PKD1L3: variants seen among roughly 807,000 people sequenced by gnomAD.
The protein encoded by PKD1L3 is polycystin-1-like protein 3.
Under a neutral mutation model 184.1 loss-of-function variants are expected in PKD1L3, and 239 were observed. The ratio of observed to expected loss-of-function variants is 1.30; its 90% CI spans 1.17 to 1.45. The LOEUF (loss-of-function observed/expected upper bound fraction) is 1.45. Ranked by LOEUF, PKD1L3 falls within the 40% of genes most tolerant of loss-of-function variation. PKD1L3 has a pLI of 0.00. For synonymous variants in PKD1L3, 996 were observed against 778.8 expected (o/e 1.28, Z -4.64); for missense variants, 2,660 against 2,067.2 (o/e 1.29, Z -5.56).
At chr16:71,996,225 A>C (rs1026574992) in intron 2 of PKD1L3, among the ~76,000 whole-genome samples, 4 of 147,388 alleles carry the variant, frequency 2.7e-5, no homozygotes, top group Non-Finnish European at 6.0e-5. Context: ...TGCTATAAGA[A>C]TCCCTCACAT....
chr16:71,935,309 C>CTAA, intron 26 of PKD1L3, 49 bp downstream of exon 26: 2 of 1,509,582 alleles, frequency 1.3e-6, no homozygotes, highest in Non-Finnish European at 1.8e-6. Flanking sequence ...AAACAGGAAA[C>CTAA]TTTAGACATG....
rs1459229906 is a variant in PKD1L3 at position 71,998,345 on chromosome 16, C to T, written c.345G>A (p.Leu115=). The change falls in exon 2 of 30, where the codon CTG becomes CTA. Residue 115 remains leucine, a synonymous_variant. Transcript: ENST00000620267. ...GPPKPLSCTY[L]SRNFIRISSK... is the part of the protein sequence containing the mutation. ...ATGAGATCCGAATGAAGTTTCTGGA[C>T]AGGTAGGTGCAGCTGAGGGGCTTTG... 4 of 1,551,782 alleles carry T rather than the reference C, an allele frequency of 2.6e-6. No homozygotes were observed. The highest frequency in any genetic ancestry group is 3.5e-6 in the Non-Finnish European group (4 of 1,147,042).
chr16:71,944,834 G>T (rs1275017940), intron 22 of PKD1L3, among the ~76,000 whole-genome samples: 8 of 151,398 alleles, frequency 5.3e-5, no homozygotes, highest in Non-Finnish European at 1.2e-4. Flanking sequence ...GAGTAGCTGG[G>T]ATTACAGGCA....
At chr16:71,977,563 T>TCA in intron 10 of PKD1L3, 96 bp from the exon 11 acceptor site, 2 of 323,480 alleles carry the variant, frequency 6.2e-6, no homozygotes, top group Middle Eastern at 8.8e-4. Flanking sequence ...CCTAGCTCTT[T>TCA]TTTTTTTTTT....
At position 71,944,041 on chromosome 16, in the gene PKD1L3, C is replaced by T. The variant is rs184883499; in HGVS notation, c.3848G>A (p.Gly1283Glu). The change falls in exon 23 of 30, where the codon GGA becomes GAA. Residue 1283 changes from glycine (G) to glutamate (E), a missense_variant. By Grantham distance (98) the Gly-to-Glu change is moderately conservative. Coordinates refer to ENST00000620267, the MANE Select transcript of PKD1L3 (RefSeq NM_181536.2). ...TTTCCTCTCCATACCCAAAATATCT[C>T]CAGTCAGCTTGAAGAGTTTCTTCTT... is the stretch of plus-strand genomic sequence containing the variant. ...LKKKKLFKLT[G>E]DILVQILFLT... 350 of 1,551,540 alleles carry T rather than the reference C, an allele frequency of 2.3e-4. 4 individuals are homozygous for T. The Admixed American group carries it at 6.7e-3, about 30-fold the overall frequency.
At chr16:71,994,197 G>T (rs1234846551) in intron 2 of PKD1L3, among the ~76,000 whole-genome samples, 1 of 152,114 alleles carries the variant, frequency 6.6e-6, no homozygotes, top group Non-Finnish European at 1.5e-5. Context: ...TCGCTATCGT[G>T]AAGCTCGAGC....
Position 71,949,932 on chromosome 16 carries a change from A to C in PKD1L3, c.3469T>G (p.Cys1157Gly). 2 of 1,551,740 alleles carry C rather than the reference A, an allele frequency of 1.3e-6. No individual in the cohort carries two copies. The highest frequency in any genetic ancestry group is 1.7e-6 in the Non-Finnish European group (2 of 1,146,996). ...CTAGTGAAACCTAAGAGGAGCCAGC[A>C]GACTGAAGTCAACCATTTGGACAGG... ...NGLSKWLTSV[C>G]WLLLGFTSLA... is the part of the protein sequence containing the mutation. Residue 1157 changes from cysteine (C) to glycine (G), a missense_variant, in exon 21 of 30, where the codon TGC becomes GGC. Cys to Gly is a radical substitution (Grantham distance 159). Coordinates refer to ENST00000620267, the MANE Select transcript of PKD1L3 (RefSeq NM_181536.2).
At chr16:71,943,058 A>G in intron 23 of PKD1L3, 34 bp from the exon 24 acceptor site, 2 of 1,464,554 alleles carry the variant, frequency 1.4e-6, no homozygotes, top group Non-Finnish European at 1.9e-6. Flanking sequence ...GTCATAGTTG[A>G]GTGGTTAACT....
intron 3 of PKD1L3, among the ~76,000 whole-genome samples, chr16:71,992,218 C>T (rs2040614915): frequency 1.3e-5 from 2 of 152,158 alleles, no homozygotes; most frequent in African/African-American, 4.8e-5. Flanking sequence ...AAATATTAGG[C>T]ATATTGCTTG....
Position 71,954,285 on chromosome 16 carries a change from T to G in PKD1L3, c.2629A>C (p.Met877Leu), listed in dbSNP as rs1004497336. ...TCCTGGGTGAACTTTTCCACAATCA[T>G]GGAGGAAAACAGATGTCTGAAAAGA... Reference protein sequence around the residue: ...LFSFRHLFSSMIVEKFTQDYL... With the variant: ...LFSFRHLFSSLIVEKFTQDYL... Residue 877 changes from methionine to leucine, a missense_variant, in exon 17 of 30, where the codon ATG (methionine) becomes CTG (leucine). Transcript: ENST00000620267. The G allele has an allele frequency of 6.5e-7, 1 of 1,541,518 alleles. No individual in the cohort carries two copies. The highest frequency in any genetic ancestry group is 1.4e-5 in the African/African-American group (1 of 72,600).
chr16:71,986,363 A>G lies in PKD1L3; in HGVS notation c.692T>C (p.Val231Ala). The change falls in exon 5 of 30, where the codon GTG becomes GCG. Residue 231 changes from valine to alanine, a missense_variant. Transcript: ENST00000620267. ...CACGGGCATGGTGAGCTGTGTTATC[A>G]CAGGGAGAGGCTGGCTGCTGGGTTC... ...ASEPSSQPLP[V>A]ITQLTMPVSV... 1 of 1,551,478 alleles carries G rather than the reference A, an allele frequency of 6.4e-7. No homozygotes were observed. Among genetic ancestry groups the G allele is most frequent in the Non-Finnish European group, 8.7e-7 (1 of 1,146,564 alleles).
chr16:71,931,982 A>G (rs1339831677), intron 28 of PKD1L3, among the ~76,000 whole-genome samples: 1 of 152,070 alleles, frequency 6.6e-6, no homozygotes, highest in Non-Finnish European at 1.5e-5. Context: ...GAGCTCAAGC[A>G]ATCTTTTCAC....
rs755989897 is a variant in PKD1L3, at chr16:71,954,206, A to G, written c.2708T>C (p.Val903Ala). ...TGTCATGCAGCAAGACAGCCGTTGG[A>G]CCCTTGTAAACTGGTTCCAGGGATG... is the stretch of plus-strand genomic sequence containing the variant. ...TRHPWNQFTR[V>A]QRLSCCMTLL... The change falls in exon 17 of 30, where the codon GTC becomes GCC. Residue 903 changes from valine to alanine, a missense_variant. Val to Ala is a moderately conservative substitution (Grantham distance 64, BLOSUM62 0). Coordinates refer to ENST00000620267, the MANE Select transcript of PKD1L3 (RefSeq NM_181536.2). 1.3e-6 allele frequency: 2 copies of G among 1,551,622 alleles called. No individual in the cohort carries two copies. The highest frequency in any genetic ancestry group is 1.7e-6 in the Non-Finnish European group (2 of 1,146,880).
chr16:71,997,987 T>A (rs1043084594), intron 2 of PKD1L3, among the ~76,000 whole-genome samples: 1 of 152,164 alleles, frequency 6.6e-6, no homozygotes, highest in Non-Finnish European at 1.5e-5. Context: ...TGAGTGTGCA[T>A]GTGGAAAATG....
chr16:71,986,408 T>A lies in PKD1L3; in HGVS notation c.647A>T (p.Gln216Leu). 1.9e-6 allele frequency: 3 copies of A among 1,551,916 alleles called. No homozygotes were observed. The highest frequency in any genetic ancestry group is 2.6e-6 in the Non-Finnish European group (3 of 1,146,954). The part of the protein sequence containing the change: ...FPSVLSSITS[Q>L]VTSAASEPSS... ...GGGTTCAGATGCGGCTGATGTTACC[T>A]GTGATGTGATACTTGATAGTACTGA... is the stretch of plus-strand genomic sequence containing the variant. Residue 216 changes from glutamine (Q) to leucine (L), a missense_variant, in exon 5 of 30, where the codon CAG becomes CTG. Transcript: ENST00000620267.
rs1597361835 is a variant in PKD1L3, at chr16:71,982,066, G to C, written c.1136C>G (p.Thr379Ser). The stretch of plus-strand genomic sequence containing the variant: ...TGCATATCTGGCACCTACCGGCTCA[G>C]TATGACGCTTGGATTCCAGCCAACT... ...EGSWLESKRH[T>S]EPVEDILEMS... Residue 379 changes from threonine to serine, a missense_variant, in exon 7 of 30, where the codon ACT becomes AGT. By Grantham distance (58) the Thr-to-Ser change is moderately conservative. Coordinates refer to ENST00000620267, the MANE Select transcript of PKD1L3 (RefSeq NM_181536.2). 1.3e-6 allele frequency: 2 copies of C among 1,546,856 alleles called. No individual in the cohort carries two copies. The highest frequency in any genetic ancestry group is 1.7e-6 in the Non-Finnish European group (2 of 1,144,962).
chr16:71,979,917 T>C lies in PKD1L3; in HGVS notation c.1272-5A>G, dbSNP rs1419445852. ...GGTAAAGTTGATATGTTTTGTCTAA[T>C]GAGAAAAGTTAAAATGGAAGTCAAT... On this transcript the variant is annotated splice_polypyrimidine_tract_variant and splice_region_variant and intron_variant, in intron 8 of 29. Coordinates refer to ENST00000620267, the MANE Select transcript of PKD1L3 (RefSeq NM_181536.2). 1.3e-6 allele frequency: 2 copies of C among 1,550,768 alleles called. No homozygotes were observed. Among genetic ancestry groups the C allele is most frequent in the Admixed American group, 2.0e-5 (1 of 50,642 alleles).
intron 16 of PKD1L3, among the ~76,000 whole-genome samples, chr16:71,955,568 T>C (rs978410998): frequency 3.9e-5 from 6 of 152,134 alleles, no homozygotes; most frequent in East Asian, 1.9e-4. Flanking sequence ...TCTCAGCTCA[T>C]TGCAACCTCC....
chr16:71,953,495 C>G (rs780954653), intron 17 of PKD1L3, among the ~76,000 whole-genome samples: 1 of 152,168 alleles, frequency 6.6e-6, no homozygotes, highest in Non-Finnish European at 1.5e-5. Flanking sequence ...CAAAGCATTA[C>G]AAAGCACTAC....
Sources: gnomAD v4.1 joint callset for allele counts (sites outside exome capture counted in the v4.1 genomes callset) on GRCh38, gnomAD v4.1.1 for gene constraint, MANE v1.5 for transcripts, NCBI Gene and HGNC (gene_info 2026-07-23, HGNC 2026-07-21) for gene names.